Variants in SPACA7 observed in about 807,000 individuals in gnomAD.
The protein encoded by SPACA7 is sperm acrosome-associated protein 7.
In SPACA7, 19 loss-of-function variants were observed where a neutral mutation model predicts 26.3. The ratio of observed to expected loss-of-function variants is 0.72; its 90% CI spans 0.50 to 1.06. SPACA7 has a LOEUF of 1.06. SPACA7 is among the 50% of genes least tolerant of loss of function. SPACA7 has a pLI of 0.00. For synonymous variants in SPACA7, 84 were observed against 84.5 expected (o/e 0.99, Z 0.04); for missense variants, 211 against 229.9 (o/e 0.92, Z 0.53).
intron 2 of SPACA7, among the ~76,000 whole-genome samples, chr13:112,395,984 C>T (rs12430413): frequency 0.23 from 34,998 of 149,570 alleles, 4,421 homozygotes; most frequent in South Asian, 0.42. Context: ...GGCAGCCTTT[C>T]GCCCTGGGCA....
intron 2 of SPACA7, among the ~76,000 whole-genome samples, chr13:112,397,216 G>A (rs1206148767): frequency 6.6e-6 from 1 of 152,174 alleles, no homozygotes; most frequent in African/African-American, 2.4e-5. Flanking sequence ...CTGGTCCTGG[G>A]GTGACCAGAC....
At chr13:112,429,304 A>T (rs756916202) in intron 5 of SPACA7, among the ~76,000 whole-genome samples, 3 of 151,856 alleles carry the variant, frequency 2.0e-5, no homozygotes, top group Non-Finnish European at 4.4e-5. Flanking sequence ...TTAGCCCAGG[A>T]GGTCATGACT....
At chr13:112,434,419 C>A in intron 6 of SPACA7, 66 bp from the exon 7 acceptor site, 1 of 1,382,166 alleles carries the variant, frequency 7.2e-7, no homozygotes, top group South Asian at 1.2e-5. Context: ...TCCCTCGATC[C>A]TGCCAGTGCC....
rs1491437574 is a variant in SPACA7 at position 112,383,080 on chromosome 13, GAA to G, written c.94+6605_94+6606del. On this transcript the variant is annotated intron_variant, in intron 1 of 6. Transcript: ENST00000283550. ...AGAAAGAGACAGAAAGAGAAAGAAA[GAA>G]AAAGAAAGAAAGAAAGAAGAAAGAA... Among the ~76,000 whole-genome samples, 509 of 83,654 alleles carry G rather than the reference GAA, an allele frequency of 6.1e-3. 2 individuals are homozygous for G. Among genetic ancestry groups the G allele is most frequent in the African/African-American group, 0.02 (439 of 21,430 alleles). 54.9% of individuals were successfully genotyped at this position (83,654 alleles called of 152,430 possible). A position where few individuals can be genotyped will look rare whatever the true frequency, so the allele number is the denominator to read the frequency against.
intron 1 of SPACA7, among the ~76,000 whole-genome samples, chr13:112,390,097 G>C (rs974968691): frequency 9.9e-5 from 15 of 151,628 alleles, no homozygotes; most frequent in Non-Finnish European, 1.8e-4. Flanking sequence ...GGACTGTTGG[G>C]AGTCAAGGGG....
At chr13:112,389,421 A>G (rs1884734205) in intron 1 of SPACA7, among the ~76,000 whole-genome samples, 1 of 152,236 alleles carries the variant, frequency 6.6e-6, no homozygotes, top group Non-Finnish European at 1.5e-5. Flanking sequence ...CATTATATCT[A>G]TAGCTGACAA....
At chr13:112,395,603 TG>T (rs1036113765) in intron 2 of SPACA7, among the ~76,000 whole-genome samples, 3 of 152,278 alleles carry the variant, frequency 2.0e-5, no homozygotes, top group African/African-American at 7.2e-5. Flanking sequence ...CCCGAGTAGC[TG>T]GGATTTCAGA....
chr13:112,385,303 T>A (rs895171923), intron 1 of SPACA7, among the ~76,000 whole-genome samples: 3 of 152,118 alleles, frequency 2.0e-5, no homozygotes, highest in Non-Finnish European at 2.9e-5. Flanking sequence ...CATATTCCTA[T>A]GCCTTCTTAT....
At chr13:112,428,729 T>C (rs1377379666) in intron 5 of SPACA7, among the ~76,000 whole-genome samples, 3 of 152,256 alleles carry the variant, frequency 2.0e-5, no homozygotes, top group African/African-American at 7.2e-5. Context: ...ATGATTATTG[T>C]TAAATGAATT....
At chr13:112,434,096 T>C in intron 6 of SPACA7, among the ~76,000 whole-genome samples, 1 of 152,112 alleles carries the variant, frequency 6.6e-6, no homozygotes. Flanking sequence ...TCCAGAGCCC[T>C]GGCAATGTTG....
intron 1 of SPACA7, among the ~76,000 whole-genome samples, chr13:112,383,388 A>G (rs1365703027): frequency 6.6e-6 from 1 of 152,220 alleles, no homozygotes; most frequent in East Asian, 1.9e-4. Context: ...CCTATTTTTT[A>G]AAGAAAAACA....
At chr13:112,394,810 G>A (rs1885129530) in intron 2 of SPACA7, among the ~76,000 whole-genome samples, 1 of 152,220 alleles carries the variant, frequency 6.6e-6, no homozygotes, top group South Asian at 2.1e-4. Context: ...GCCACCCCCA[G>A]AGAAACAGTG....
chr13:112,416,213 A>G (rs1886681032), intron 5 of SPACA7, among the ~76,000 whole-genome samples: 1 of 151,988 alleles, frequency 6.6e-6, no homozygotes, highest in Non-Finnish European at 1.5e-5. Context: ...TTATGTTCCT[A>G]CAGGGGTCAA....
intron 1 of SPACA7, among the ~76,000 whole-genome samples, chr13:112,380,373 C>T (rs1214943556): frequency 7.2e-6 from 1 of 138,864 alleles, no homozygotes; most frequent in Non-Finnish European, 1.5e-5. Context: ...CCATTGCACT[C>T]CAGCCTAGGC....
At chr13:112,400,406 C>T (rs1885561593) in intron 4 of SPACA7, among the ~76,000 whole-genome samples, 1 of 152,222 alleles carries the variant, frequency 6.6e-6, no homozygotes, top group Admixed American at 6.5e-5. Context: ...GCCATTGCTT[C>T]TCCATTTATT....
Position 112,431,670 on chromosome 13 carries a change from G to A in SPACA7, c.446-774G>A, listed in dbSNP as rs571497959. Among the ~76,000 whole-genome samples the A allele has an allele frequency of 9.8e-5, 15 of 152,324 alleles. No homozygotes were observed. In the South Asian group the frequency reaches 1.2e-3, roughly 13 times the overall value. On this transcript the variant is annotated intron_variant, in intron 5 of 6. Transcript: ENST00000283550. ...TCACAAAATGCAGATGTACCAAACC[G>A]TATTTTTAAGGATTCCAGGTTGCAC... is the stretch of plus-strand genomic sequence containing the variant.
intron 1 of SPACA7, chr13:112,382,537 T>G: frequency 6.5e-7 from 1 of 1,547,726 alleles, no homozygotes; most frequent in Non-Finnish European, 8.7e-7. Flanking sequence ...TTTGCAACTA[T>G]CTGGGCGACA....
intron 2 of SPACA7, among the ~76,000 whole-genome samples, chr13:112,397,017 T>C (rs1415154671): frequency 6.6e-5 from 10 of 152,190 alleles, no homozygotes; most frequent in African/African-American, 1.2e-4. Context: ...CCCACCCGGC[T>C]GCAGGGGGCC....
intron 5 of SPACA7, among the ~76,000 whole-genome samples, chr13:112,418,307 G>T (rs1265559992): frequency 6.6e-6 from 1 of 152,200 alleles, no homozygotes; most frequent in African/African-American, 2.4e-5. Flanking sequence ...TTTCCCTTAT[G>T]AAACATAGAA....
Sources: allele counts gnomAD v4.1 joint callset (sites outside exome capture counted in the v4.1 genomes callset), GRCh38; gene constraint gnomAD v4.1.1; transcripts MANE v1.5; gene names NCBI Gene and HGNC (gene_info 2026-07-23, HGNC 2026-07-21).